The following FAM171A1 variants were observed in gnomAD, a reference collection of about 807,000 sequenced individuals.
FAM171A1 encodes the protein protein FAM171A1.
A neutral mutation model predicts 74.9 loss-of-function variants in FAM171A1; 23 were observed. The ratio of observed to expected loss-of-function variants is 0.31; its 90% CI spans 0.22 to 0.44. FAM171A1 has a LOEUF of 0.44. FAM171A1 is among the 20% of genes least tolerant of loss of function. The pLI, the probability that FAM171A1 is intolerant of heterozygous loss-of-function variation, is 1.00. For synonymous variants in FAM171A1, 527 were observed against 505.7 expected (o/e 1.04, Z -0.57); for missense variants, 1,162 against 1,159.2 (o/e 1.00, Z -0.03).
intron 6 of FAM171A1, among the ~76,000 whole-genome samples, chr10:15,219,936 G>A (rs1305811212): frequency 6.6e-6 from 1 of 152,216 alleles, no homozygotes; most frequent in Non-Finnish European, 1.5e-5. Context: ...TTAGTATGGT[G>A]ATATAAAGTC....
intron 3 of FAM171A1, among the ~76,000 whole-genome samples, chr10:15,266,974 A>T (rs1834751997): frequency 6.6e-6 from 1 of 152,062 alleles, no homozygotes; most frequent in African/African-American, 2.4e-5. Context: ...AAGGCGAGCC[A>T]GGAAGGGACA....
intron 1 of FAM171A1, among the ~76,000 whole-genome samples, chr10:15,340,055 G>A (rs1428655456): frequency 1.3e-5 from 2 of 152,140 alleles, no homozygotes; most frequent in African/African-American, 2.4e-5. Flanking sequence ...TGGGAATTAT[G>A]GAAGCTACAA....
intron 1 of FAM171A1, among the ~76,000 whole-genome samples, chr10:15,306,315 A>G (rs1293340885): frequency 1.3e-5 from 2 of 152,276 alleles, no homozygotes; most frequent in East Asian, 3.9e-4. Context: ...AAATGCTTAC[A>G]TCATTGTCAT....
At chr10:15,276,267 G>A (rs925734168) in intron 2 of FAM171A1, among the ~76,000 whole-genome samples, 3 of 151,206 alleles carry the variant, frequency 2.0e-5, no homozygotes, top group African/African-American at 7.3e-5. Context: ...TCTAACCTCC[G>A]CCTCCCAGGT....
intron 1 of FAM171A1, among the ~76,000 whole-genome samples, chr10:15,327,141 G>T (rs1349792496): frequency 2.0e-5 from 3 of 152,052 alleles, no homozygotes; most frequent in Non-Finnish European, 4.4e-5. Context: ...TAGTATGGTG[G>T]CCAACAGCTC....
intron 1 of FAM171A1, among the ~76,000 whole-genome samples, chr10:15,327,688 CAT>C (rs1374582690): frequency 5.3e-5 from 8 of 152,014 alleles, no homozygotes; most frequent in African/African-American, 1.9e-4. Context: ...ATAAATGCCA[CAT>C]GTTCTCACTC....
chr10:15,363,747 C>A (rs1193035804), intron 1 of FAM171A1, among the ~76,000 whole-genome samples: 1 of 152,174 alleles, frequency 6.6e-6, no homozygotes, highest in African/African-American at 2.4e-5. Flanking sequence ...CCAAATGTCA[C>A]CTGTCTCCCC....
chr10:15,349,680 TG>T (rs1487423435), intron 1 of FAM171A1, among the ~76,000 whole-genome samples: 1 of 152,170 alleles, frequency 6.6e-6, no homozygotes, highest in East Asian at 1.9e-4. Context: ...AAGGTAAACG[TG>T]GCACCGATCT....
At position 15,236,285 on chromosome 10, in the gene FAM171A1, C is replaced by CAAAA. The variant is rs369050654; in HGVS notation, c.754+12350_754+12353dup. On this transcript the variant is annotated intron_variant, in intron 5 of 7. Coordinates refer to ENST00000378116, the MANE Select transcript of FAM171A1 (RefSeq NM_001010924.2). ...TACCTGTCCTTTTATATCATGCTTC[C>CAAAA]AAAAAAAAAAAAAAAATCACACACT... 5.1e-5 allele frequency among the ~76,000 whole-genome samples: 7 copies of CAAAA among 137,078 alleles called. No homozygotes were observed. The South Asian group carries it at 1.2e-3, about 23-fold the overall frequency. 89.9% of individuals were successfully genotyped at this position (137,078 alleles called of 152,430 possible).
chr10:15,299,573 CGAT>C (rs1483247546), intron 1 of FAM171A1, among the ~76,000 whole-genome samples: 13 of 151,714 alleles, frequency 8.6e-5, no homozygotes, highest in East Asian at 5.8e-4. Flanking sequence ...TTTAAGATGA[CGAT>C]GATGATGATG....
Position 15,337,088 on chromosome 10 carries a change from C to A in FAM171A1, c.97+33868G>T, listed in dbSNP as rs528876358. 2.6e-5 allele frequency among the ~76,000 whole-genome samples: 4 copies of A among 151,484 alleles called. No individual in the cohort carries two copies. The East Asian group carries it at 7.8e-4, about 29-fold the overall frequency. On this transcript the variant is annotated intron_variant, in intron 1 of 7. Transcript: ENST00000378116. ...TAGAGGTGGTATCTCACTATGTTGC[C>A]CAGAATGGCCTTGAACTCCTGGACA...
At chr10:15,331,729 A>T (rs1003575350) in intron 1 of FAM171A1, among the ~76,000 whole-genome samples, 1 of 151,190 alleles carries the variant, frequency 6.6e-6, no homozygotes, top group African/African-American at 2.4e-5. Flanking sequence ...CTGATGTTTT[A>T]TATATATGTG....
At chr10:15,308,573 C>T (rs1221280404) in intron 1 of FAM171A1, among the ~76,000 whole-genome samples, 1 of 152,120 alleles carries the variant, frequency 6.6e-6, no homozygotes, top group Non-Finnish European at 1.5e-5. Flanking sequence ...AAACAATTCT[C>T]CTGCCTCAGC....
intron 1 of FAM171A1, among the ~76,000 whole-genome samples, chr10:15,333,102 C>A (rs1648925893): frequency 6.6e-6 from 1 of 152,212 alleles, no homozygotes; most frequent in Admixed American, 6.5e-5. Context: ...ACTCTCCTTA[C>A]AGTCCTGAGA....
chr10:15,241,387 T>C (rs1041531045), intron 5 of FAM171A1: 1 of 152,216 alleles, frequency 6.6e-6, no homozygotes, highest in African/African-American at 2.4e-5. Flanking sequence ...TATTTTTTTC[T>C]GTAAGAGGAC....
At position 15,270,528 on chromosome 10, in the gene FAM171A1, A is replaced by G. The variant is rs554760286; in HGVS notation, c.418+5327T>C. ...CCTGTTTGACAGCTCTGAACAGAGT[A>G]GTGGTTCTCCAGCACAGAGTTTGAG... On this transcript the variant is annotated intron_variant, in intron 3 of 7. Transcript: ENST00000378116. Among the ~76,000 whole-genome samples the G allele has an allele frequency of 2.0e-5, 3 of 152,316 alleles. No individual in the cohort carries two copies. The South Asian group carries it at 6.2e-4, about 32-fold the overall frequency.
chr10:15,353,959 C>T (rs1010064809), intron 1 of FAM171A1, among the ~76,000 whole-genome samples: 3 of 152,238 alleles, frequency 2.0e-5, no homozygotes, highest in Admixed American at 6.5e-5. Flanking sequence ...CATGCACGCT[C>T]ATCTGAAATG....
chr10:15,342,109 T>C (rs1183641617), intron 1 of FAM171A1, among the ~76,000 whole-genome samples: 1 of 152,228 alleles, frequency 6.6e-6, no homozygotes, highest in African/African-American at 2.4e-5. Context: ...ATTGACATCA[T>C]GAAATTGGGG....
At chr10:15,219,869 C>A (rs543166242) in intron 6 of FAM171A1, among the ~76,000 whole-genome samples, 2 of 152,292 alleles carry the variant, frequency 1.3e-5, no homozygotes, top group East Asian at 3.9e-4. Flanking sequence ...CGTGAGCCAC[C>A]GCGCCCGGCT....
Sources: allele counts gnomAD v4.1 joint callset (sites outside exome capture counted in the v4.1 genomes callset), GRCh38; gene constraint gnomAD v4.1.1; transcripts MANE v1.5; gene names NCBI Gene and HGNC (gene_info 2026-07-23, HGNC 2026-07-21).